The following OLA1 variants were observed in gnomAD, a reference collection of about 807,000 sequenced individuals.
The protein encoded by OLA1 is Obg like ATPase 1.
Under a neutral mutation model 48.4 loss-of-function variants are expected in OLA1, and 14 were observed. The observed-to-expected ratio is 0.29, with a 90% CI of 0.19 to 0.45. The LOEUF (loss-of-function observed/expected upper bound fraction) is 0.45, where lower values mean the gene tolerates loss of function less well. OLA1 is among the 20% of genes least tolerant of loss of function. The pLI, the probability that OLA1 is intolerant of heterozygous loss-of-function variation, is 1.00. For synonymous variants in OLA1, 127 were observed against 150.4 expected (o/e 0.84, Z 1.14); for missense variants, 325 against 467.1 (o/e 0.70, Z 2.80).
intron 4 of OLA1, among the ~76,000 whole-genome samples, chr2:174,150,755 G>C (rs1686726036): frequency 6.6e-6 from 1 of 152,134 alleles, no homozygotes; most frequent in African/African-American, 2.4e-5. Flanking sequence ...AAAATCAAAA[G>C]TCAAAATAAA....
At chr2:174,167,007 G>T (rs1687183031) in intron 4 of OLA1, among the ~76,000 whole-genome samples, 2 of 151,768 alleles carry the variant, frequency 1.3e-5, no homozygotes, top group African/African-American at 4.8e-5. Flanking sequence ...GCAAGATAAA[G>T]ATTAACTAAC....
chr2:174,138,950 T>C (rs542711641), intron 5 of OLA1, among the ~76,000 whole-genome samples: 1 of 152,356 alleles, frequency 6.6e-6, no homozygotes, highest in African/African-American at 2.4e-5. Context: ...GAATATTTTC[T>C]AAGTATAATG....
At chr2:174,195,315 A>AT (rs951497722) in intron 4 of OLA1, among the ~76,000 whole-genome samples, 1 of 151,904 alleles carries the variant, frequency 6.6e-6, no homozygotes, top group Non-Finnish European at 1.5e-5. Flanking sequence ...GCATGAAAAA[A>AT]TTTTTTTTAA....
At chr2:174,114,902 C>T (rs773237437) in intron 7 of OLA1, among the ~76,000 whole-genome samples, 2 of 151,964 alleles carry the variant, frequency 1.3e-5, no homozygotes, top group Admixed American at 6.6e-5. Context: ...GGCCAAGGCA[C>T]GTGGATCGCT....
intron 2 of OLA1, among the ~76,000 whole-genome samples, chr2:174,235,149 A>G (rs1318692837): frequency 1.3e-5 from 2 of 152,176 alleles, no homozygotes; most frequent in Admixed American, 1.3e-4. Context: ...ACAGAGCGAG[A>G]CTTTGTCTTG....
chr2:174,198,308 C>T (rs1687923575), intron 4 of OLA1, among the ~76,000 whole-genome samples: 2 of 152,140 alleles, frequency 1.3e-5, no homozygotes, highest in African/African-American at 4.8e-5. Flanking sequence ...AATGGTAAAA[C>T]TGAGTTCTAA....
intron 7 of OLA1, among the ~76,000 whole-genome samples, chr2:174,098,713 A>G (rs935261795): frequency 6.6e-6 from 1 of 152,162 alleles, no homozygotes; most frequent in Non-Finnish European, 1.5e-5. Context: ...TAGCTACTTC[A>G]GAGGGTTATG....
intron 4 of OLA1, among the ~76,000 whole-genome samples, chr2:174,186,668 T>C (rs1310583021): frequency 1.4e-5 from 2 of 147,518 alleles, no homozygotes; most frequent in African/African-American, 4.9e-5. Context: ...CATTACTCGC[T>C]ATTTTTTTTT....
chr2:174,239,886 T>A (rs1260287980), intron 2 of OLA1, among the ~76,000 whole-genome samples: 1 of 149,430 alleles, frequency 6.7e-6, no homozygotes, highest in Admixed American at 6.7e-5. Flanking sequence ...AGAGCGAGAC[T>A]CTATCTCAAA....
At chr2:174,198,756 G>A (rs375388440) in intron 4 of OLA1, among the ~76,000 whole-genome samples, 110 of 152,258 alleles carry the variant, frequency 7.2e-4, no homozygotes, top group African/African-American at 2.5e-3. Context: ...ACTCCAGCCT[G>A]GGTGATGGAG....
Position 174,218,501 on chromosome 2 carries a change from T to C in OLA1, c.373+4532A>G, listed in dbSNP as rs1205826730. 1.1e-4 allele frequency among the ~76,000 whole-genome samples: 16 copies of C among 152,372 alleles called. No individual in the cohort carries two copies. The South Asian group carries it at 3.1e-3, about 30-fold the overall frequency. On this transcript the variant is annotated intron_variant, in intron 4 of 10. Transcript: ENST00000284719. ...TCAGCAGCACTTGTTTAGTGAAAGATAAACTCCCGTTTATATAGCTGAATC... is the reference window on the plus strand; with the variant it reads ...TCAGCAGCACTTGTTTAGTGAAAGACAAACTCCCGTTTATATAGCTGAATC...
At chr2:174,179,640 C>T (rs1558991968) in intron 4 of OLA1, among the ~76,000 whole-genome samples, 2 of 151,910 alleles carry the variant, frequency 1.3e-5, no homozygotes, top group Non-Finnish European at 2.9e-5. Context: ...CTACATGCTC[C>T]TTACAAAGCA....
chr2:174,112,481 T>C (rs1048139800), intron 7 of OLA1, among the ~76,000 whole-genome samples: 1 of 152,240 alleles, frequency 6.6e-6, no homozygotes, highest in African/African-American at 2.4e-5. Flanking sequence ...GCCATTGCTC[T>C]ACCTCATAGT....
intron 4 of OLA1, among the ~76,000 whole-genome samples, chr2:174,181,726 TTTTTTCCC>T (rs1687544990): frequency 6.6e-6 from 1 of 151,950 alleles, no homozygotes; most frequent in Non-Finnish European, 1.5e-5. Context: ...ATTTACGTGA[TTTTTTCCC>T]TTACCTCCTT....
At chr2:174,147,264 TA>T (rs979862474) in intron 4 of OLA1, among the ~76,000 whole-genome samples, 19 of 152,056 alleles carry the variant, frequency 1.2e-4, no homozygotes, top group African/African-American at 4.6e-4. Context: ...ACATCTCTAC[TA>T]AAAATACAAA....
At chr2:174,243,253 ACTC>A (rs1689048504) in intron 2 of OLA1, among the ~76,000 whole-genome samples, 1 of 151,386 alleles carries the variant, frequency 6.6e-6, no homozygotes, top group African/African-American at 2.4e-5. Context: ...GCATGGTGAA[ACTC>A]CATCTACAAA....
At chr2:174,109,215 A>G (rs910197962) in intron 7 of OLA1, among the ~76,000 whole-genome samples, 1 of 152,208 alleles carries the variant, frequency 6.6e-6, no homozygotes, top group Non-Finnish European at 1.5e-5. Context: ...CTTATGGCTA[A>G]GAATGTTTAA....
chr2:174,163,770 A>ATAT (rs1687088781), intron 4 of OLA1, among the ~76,000 whole-genome samples: 3 of 26,400 alleles, frequency 1.1e-4, no homozygotes, highest in African/African-American at 1.5e-4. Context: ...ATATATATAT[A>ATAT]TATATAAATA....
At chr2:174,191,186 T>A (rs894484983) in intron 4 of OLA1, among the ~76,000 whole-genome samples, 18 of 152,078 alleles carry the variant, frequency 1.2e-4, no homozygotes, top group Non-Finnish European at 1.9e-4. Context: ...ATCCACAACG[T>A]ATACATATAC....
Sources: gnomAD v4.1 joint callset for allele counts (sites outside exome capture counted in the v4.1 genomes callset) on GRCh38, gnomAD v4.1.1 for gene constraint, MANE v1.5 for transcripts, NCBI Gene and HGNC (gene_info 2026-07-23, HGNC 2026-07-21) for gene names.